ANKS1B: variants seen among roughly 807,000 people sequenced by gnomAD.
ANKS1B encodes the protein ankyrin repeat and sterile alpha motif domain containing 1B, also known as ankyrin repeat and sterile alpha motif domain-containing protein 1B.
In ANKS1B, 36 loss-of-function variants were observed where a neutral mutation model predicts 148.3. That is an observed-to-expected ratio of 0.24 (90% CI 0.19 to 0.32). The LOEUF is 0.32. ANKS1B is among the 10% of genes least tolerant of loss of function. The pLI is 1.00. For synonymous variants in ANKS1B, 542 were observed against 560.8 expected (o/e 0.97, Z 0.47); for missense variants, 1,157 against 1,542.6 (o/e 0.75, Z 4.19).
intron 11 of ANKS1B, among the ~76,000 whole-genome samples, chr12:99,441,678 ATTTG>A (rs2095552473): frequency 1.3e-5 from 2 of 151,912 alleles, no homozygotes; most frequent in Non-Finnish European, 2.9e-5. Context: ...TTTCTCACTT[ATTTG>A]TTTTTCTCCT....
At chr12:99,443,234 C>G (rs2095580140) in intron 11 of ANKS1B, among the ~76,000 whole-genome samples, 1 of 151,768 alleles carries the variant, frequency 6.6e-6, no homozygotes, top group Non-Finnish European at 1.5e-5. Context: ...TTCATTGAAA[C>G]CATAAGAATA....
chr12:98,742,211 G>A (rs2097803834), downstream of ANKS1B, among the ~76,000 whole-genome samples: 1 of 152,206 alleles, frequency 6.6e-6, no homozygotes, highest in South Asian at 2.1e-4. Context: ...AACCTCCGCG[G>A]CTGCAGTCGC....
At chr12:99,187,579 T>C (rs751011977) in intron 14 of ANKS1B, among the ~76,000 whole-genome samples, 1 of 152,176 alleles carries the variant, frequency 6.6e-6, no homozygotes, top group Non-Finnish European at 1.5e-5. Flanking sequence ...CAGAATTTCA[T>C]ATCCAGCCAA....
chr12:99,028,791 G>A (rs1368072655), intron 17 of ANKS1B, among the ~76,000 whole-genome samples: 2 of 152,230 alleles, frequency 1.3e-5, no homozygotes, highest in East Asian at 1.9e-4. Context: ...CAGAAATGAC[G>A]AACTGGCTCC....
Position 99,399,336 on chromosome 12 carries a change from C to T in ANKS1B, c.1756+295G>A, listed in dbSNP as rs542853217. Among the ~76,000 whole-genome samples the T allele has an allele frequency of 4.4e-4, 67 of 152,168 alleles. 1 individual carries two copies. Among genetic ancestry groups the T allele is most frequent in the Middle Eastern group, 6.8e-3 (2 of 294 alleles). The stretch of plus-strand genomic sequence containing the variant: ...AAGTTGTCTGTTGATTAGTTGATAC[C>T]GCTGTGTGGTGAGGGGTAAATGGCA... On this transcript the variant is annotated intron_variant, in intron 12 of 26. Transcript: ENST00000683438.
intron 12 of ANKS1B, among the ~76,000 whole-genome samples, chr12:99,318,796 C>T (rs150168211): frequency 0.015 from 2,224 of 151,594 alleles, 65 homozygotes; most frequent in African/African-American, 0.05. Context: ...CTGCTTTCTC[C>T]GGTGGGCATT....
At chr12:99,787,276 G>A (rs2065107116) in intron 4 of ANKS1B, among the ~76,000 whole-genome samples, 1 of 152,114 alleles carries the variant, frequency 6.6e-6, no homozygotes, top group African/African-American at 2.4e-5. Flanking sequence ...ATGATAGTGA[G>A]TTCTCACAAG....
chr12:99,270,091 G>A (rs2076881443), intron 12 of ANKS1B, among the ~76,000 whole-genome samples: 1 of 152,144 alleles, frequency 6.6e-6, no homozygotes, highest in Non-Finnish European at 1.5e-5. Context: ...TGAAAGTGAG[G>A]TGAGACTGTG....
chr12:99,367,128 C>T (rs1440858028), intron 12 of ANKS1B, among the ~76,000 whole-genome samples: 2 of 151,990 alleles, frequency 1.3e-5, no homozygotes, highest in Non-Finnish European at 2.9e-5. Flanking sequence ...TGCCAAAAAA[C>T]GTGGGGAGAG....
At chr12:99,399,970 C>A (rs1182997869) in intron 11 of ANKS1B, among the ~76,000 whole-genome samples, 159 bp from the exon 12 acceptor site, 2 of 151,926 alleles carry the variant, frequency 1.3e-5, no homozygotes, top group African/African-American at 4.8e-5. Context: ...ACATTAATTT[C>A]TTGATGAATT....
intron 14 of ANKS1B, among the ~76,000 whole-genome samples, chr12:99,207,176 A>G (rs533257253): frequency 6.6e-6 from 1 of 152,302 alleles, no homozygotes; most frequent in South Asian, 2.1e-4. Flanking sequence ...AGTAATCAAT[A>G]TACCAAAGTG....
At chr12:99,769,978 C>T (rs781682504) in intron 8 of ANKS1B, among the ~76,000 whole-genome samples, 1 of 152,174 alleles carries the variant, frequency 6.6e-6, no homozygotes, top group Non-Finnish European at 1.5e-5. Flanking sequence ...CTTAGTCTCT[C>T]CCTACCTCCA....
chr12:99,205,064 C>T (rs1038235353), intron 14 of ANKS1B, among the ~76,000 whole-genome samples: 1 of 152,042 alleles, frequency 6.6e-6, no homozygotes, highest in Non-Finnish European at 1.5e-5. Context: ...CCAGGCCCCC[C>T]CCAAAAAGAA....
intron 17 of ANKS1B, among the ~76,000 whole-genome samples, chr12:98,984,985 T>G (rs2099922414): frequency 6.6e-6 from 1 of 152,246 alleles, no homozygotes. Context: ...TACTTCAACC[T>G]GGGTGACAAA....
chr12:99,374,298 G>C (rs2093291499), intron 12 of ANKS1B, among the ~76,000 whole-genome samples: 1 of 152,218 alleles, frequency 6.6e-6, no homozygotes, highest in Non-Finnish European at 1.5e-5. Flanking sequence ...GCCACTGTCT[G>C]TGTGGAGTTT....
At chr12:98,944,631 T>C (rs972212392) in intron 17 of ANKS1B, among the ~76,000 whole-genome samples, 3 of 152,178 alleles carry the variant, frequency 2.0e-5, no homozygotes, top group African/African-American at 7.2e-5. Context: ...AAATATCATG[T>C]CCCTATCCCA....
Position 99,399,700 on chromosome 12 carries a change from G to C in ANKS1B, c.1687C>G (p.Pro563Ala), listed in dbSNP as rs771962477. ...GAAGAGGTGGGTGGACTAGCAGGAG[G>C]ACTGGCAGTAAAGCTTGTGCACCCT... The part of the protein sequence containing the change: ...STGCTSFTAS[P>A]PASPPTSSVG... Residue 563 changes from proline (P) to alanine (A), a missense_variant, in exon 12 of 27, where the codon CCT becomes GCT. Around this residue, in one of 6 missense-constraint regions of ANKS1B, gnomAD observed 661 missense variants for 642.1 expected, o/e 1.03. Transcript: ENST00000683438. The C allele has an allele frequency of 5.6e-6, 9 of 1,613,432 alleles. No homozygotes were observed. The highest frequency in any genetic ancestry group is 6.8e-6 in the Non-Finnish European group (8 of 1,179,548).
chr12:99,309,456 A>G (rs1316707325), intron 12 of ANKS1B, among the ~76,000 whole-genome samples: 4 of 151,972 alleles, frequency 2.6e-5, no homozygotes, highest in South Asian at 4.1e-4. Context: ...ATAAAATCTG[A>G]TATTATCAGC....
chr12:98,956,579 C>T (rs2099862508), intron 17 of ANKS1B, among the ~76,000 whole-genome samples: 1 of 146,114 alleles, frequency 6.8e-6, no homozygotes, highest in Admixed American at 6.8e-5. Context: ...TATCCATTGG[C>T]CAGATTATAC....
Sources: allele counts gnomAD v4.1 joint callset (sites outside exome capture counted in the v4.1 genomes callset), GRCh38; gene constraint gnomAD v4.1.1; regional missense constraint gnomAD v4.1.1; transcripts MANE v1.5; gene names NCBI Gene and HGNC (gene_info 2026-07-23, HGNC 2026-07-21).